NAV2: variants seen among roughly 807,000 people sequenced by gnomAD.
The protein encoded by NAV2 is helicase, APC down-regulated 1.
In NAV2, 54 loss-of-function variants were observed where a neutral mutation model predicts 223.2. That is an observed-to-expected ratio of 0.24 (90% CI 0.19 to 0.30). NAV2 has a LOEUF of 0.30. Ranked by LOEUF, NAV2 falls within the 10% of genes least tolerant of loss-of-function variation. The pLI is 1.00. For missense variants in NAV2, 2,806 were observed against 3,147.5 expected, an observed-to-expected ratio of 0.89 and a Z score of 2.60; for synonymous variants, 1,279 against 1,239.3, an observed-to-expected ratio of 1.03 and a Z score of -0.67.
At chr11:19,774,364 A>T (rs964116901) in intron 1 of NAV2, among the ~76,000 whole-genome samples, 1 of 152,184 alleles carries the variant, frequency 6.6e-6, no homozygotes, top group Non-Finnish European at 1.5e-5. Flanking sequence ...TTATGTAGAG[A>T]CAAGGTCTCA....
At chr11:19,912,313 C>A (rs1199109938) in intron 6 of NAV2, among the ~76,000 whole-genome samples, 2 of 152,190 alleles carry the variant, frequency 1.3e-5, no homozygotes, top group East Asian at 3.8e-4. Flanking sequence ...ATATCTCTTG[C>A]AAAAGTCCTC....
chr11:19,687,274 A>G (rs1297142740), intron 1 of NAV2, among the ~76,000 whole-genome samples: 1 of 152,254 alleles, frequency 6.6e-6, no homozygotes, highest in East Asian at 1.9e-4. Context: ...TTGACACTTG[A>G]GAGCCAGAAA....
At chr11:19,404,456 T>G (rs1291287925) in intron 1 of NAV2, among the ~76,000 whole-genome samples, 3 of 152,168 alleles carry the variant, frequency 2.0e-5, no homozygotes, top group Non-Finnish European at 4.4e-5. Context: ...AATTGAGTTG[T>G]GGGTGGGAAA....
chr11:19,410,129 G>A (rs1363900519), intron 1 of NAV2, among the ~76,000 whole-genome samples: 1 of 152,198 alleles, frequency 6.6e-6, no homozygotes, highest in Non-Finnish European at 1.5e-5. Flanking sequence ...CAGGGGGGCA[G>A]ACAGAGGTGG....
chr11:19,539,587 T>C (rs1454687493), intron 1 of NAV2, among the ~76,000 whole-genome samples: 1 of 151,890 alleles, frequency 6.6e-6, no homozygotes, highest in East Asian at 2.0e-4. Context: ...CGTTTAACAA[T>C]GTGCAAAAGA....
At chr11:19,395,748 C>T (rs964336576) in intron 1 of NAV2, among the ~76,000 whole-genome samples, 13 of 152,188 alleles carry the variant, frequency 8.5e-5, no homozygotes, top group Admixed American at 2.6e-4. Flanking sequence ...GGCCTCTTCC[C>T]GCCTCCCTTC....
intron 6 of NAV2, among the ~76,000 whole-genome samples, chr11:19,925,952 T>C (rs938388135): frequency 1.3e-5 from 2 of 152,130 alleles, no homozygotes; most frequent in Non-Finnish European, 2.9e-5. Flanking sequence ...GTCTTTATGA[T>C]AGTACCACAC....
In NAV2 at chr11:19,691,993, G is replaced by C. The variant is rs75313919; in HGVS notation, c.76-140491G>C. 0.012 allele frequency among the ~76,000 whole-genome samples: 1,768 copies of C among 152,322 alleles called. 100 individuals are homozygous for C. The East Asian group carries it at 0.17, about 15-fold the overall frequency. ...GGCCCTGCCACTGTCTGGCCAGGTG[G>C]TTTGAAGGGTTTTGCATGAGGCCAG... On this transcript the variant is annotated intron_variant, in intron 1 of 37. Coordinates refer to the NAV2 transcript ENST00000360655.
At chr11:19,941,478 C>T (rs939255991) in intron 8 of NAV2, among the ~76,000 whole-genome samples, 2 of 113,760 alleles carry the variant, frequency 1.8e-5, no homozygotes, top group African/African-American at 9.3e-5. Flanking sequence ...ATTTAACTTA[C>T]CCACAGCCAA....
intron 1 of NAV2, among the ~76,000 whole-genome samples, chr11:19,396,266 G>C (rs1849443249): frequency 6.6e-6 from 1 of 152,148 alleles, no homozygotes; most frequent in Admixed American, 6.6e-5. Context: ...TTTGTAGCCA[G>C]TAGCTGTCTA....
intron 1 of NAV2, among the ~76,000 whole-genome samples, chr11:19,777,096 C>A (rs1032595745): frequency 4.7e-5 from 7 of 149,948 alleles, no homozygotes; most frequent in Admixed American, 1.3e-4. Context: ...GCCGCCGACC[C>A]CCCCCCCCAC....
chr11:19,557,840 GC>G (rs2044952765), intron 1 of NAV2, among the ~76,000 whole-genome samples: 1 of 152,214 alleles, frequency 6.6e-6, no homozygotes, highest in South Asian at 2.1e-4. Flanking sequence ...CAAACGGAAG[GC>G]TTGGACAGTC....
At chr11:19,752,902 G>C (rs2053943116) in intron 1 of NAV2, among the ~76,000 whole-genome samples, 1 of 152,124 alleles carries the variant, frequency 6.6e-6, no homozygotes, top group African/African-American at 2.4e-5. Flanking sequence ...CCAATCTGAT[G>C]GTATTTGGAG....
intron 5 of NAV2, among the ~76,000 whole-genome samples, chr11:19,885,606 C>T (rs142629523): frequency 0.012 from 1,850 of 152,278 alleles, 12 homozygotes; most frequent in Non-Finnish European, 0.02. Flanking sequence ...TATGAATTTA[C>T]TCTTGTTTAA....
At chr11:19,431,367 T>G (rs1699020162) in intron 1 of NAV2, among the ~76,000 whole-genome samples, 1 of 152,104 alleles carries the variant, frequency 6.6e-6, no homozygotes, top group African/African-American at 2.4e-5. Flanking sequence ...CCCATCTTAG[T>G]GTGCCGCAGG....
intron 1 of NAV2, among the ~76,000 whole-genome samples, chr11:19,671,533 G>A (rs1407003716): frequency 2.0e-5 from 3 of 152,076 alleles, no homozygotes; most frequent in Admixed American, 1.3e-4. Flanking sequence ...TCTTTCTCCT[G>A]CATCCAGCGA....
At chr11:19,408,343 G>A (rs1849992196) in intron 1 of NAV2, among the ~76,000 whole-genome samples, 1 of 152,194 alleles carries the variant, frequency 6.6e-6, no homozygotes, top group South Asian at 2.1e-4. Context: ...CAGACCCATT[G>A]AGATCATGGA....
chr11:19,629,302 C>T (rs189791866), intron 1 of NAV2, among the ~76,000 whole-genome samples: 2 of 152,210 alleles, frequency 1.3e-5, no homozygotes, highest in Non-Finnish European at 2.9e-5. Flanking sequence ...TCTTGTATTT[C>T]TCCTATCCCT....
At chr11:19,870,209 G>T (rs937413786) in intron 4 of NAV2, among the ~76,000 whole-genome samples, 1 of 152,126 alleles carries the variant, frequency 6.6e-6, no homozygotes, top group African/African-American at 2.4e-5. Flanking sequence ...CTCATCCATG[G>T]GGATAAGATC....
Sources: gnomAD v4.1 joint callset for allele counts (sites outside exome capture counted in the v4.1 genomes callset) on GRCh38, gnomAD v4.1.1 for gene constraint, MANE v1.5 for transcripts, NCBI Gene and HGNC (gene_info 2026-07-23, HGNC 2026-07-21) for gene names.